Variants in AFF1 observed in about 807,000 individuals in gnomAD.
AFF1 encodes AF4/FMR2 family member 1.
A neutral mutation model predicts 121.7 loss-of-function variants in AFF1; 48 were observed. The observed-to-expected ratio is 0.39, with a 90% CI of 0.31 to 0.50. AFF1 has a LOEUF of 0.50. Ranked by LOEUF, AFF1 falls within the 20% of genes least tolerant of loss-of-function variation. The pLI is 0.76. For missense variants in AFF1, 1,523 were observed against 1,511.7 expected (o/e 1.01, Z -0.12); for synonymous variants, 613 against 563.0 (o/e 1.09, Z -1.26).
chr4:86,998,477 A>G (rs111703823), intron 2 of AFF1, among the ~76,000 whole-genome samples: 5 of 152,376 alleles, frequency 3.3e-5, no homozygotes, highest in African/African-American at 1.2e-4. Context: ...CAATTTTTAA[A>G]TACCCAGAAG....
chr4:86,991,804 G>A (rs1277584612), intron 2 of AFF1, among the ~76,000 whole-genome samples: 1 of 149,218 alleles, frequency 6.7e-6, no homozygotes, highest in African/African-American at 2.5e-5. Context: ...TAATCCAACA[G>A]GACTGGGTTT....
At chr4:86,962,893 G>A (rs549248469) in intron 2 of AFF1, among the ~76,000 whole-genome samples, 5 of 152,134 alleles carry the variant, frequency 3.3e-5, no homozygotes, top group South Asian at 2.1e-4. Flanking sequence ...GGCCAAGCAC[G>A]GTGGCTTATG....
At chr4:87,031,152 A>G (rs1729039388) in intron 2 of AFF1, among the ~76,000 whole-genome samples, 1 of 152,116 alleles carries the variant, frequency 6.6e-6, no homozygotes, top group Admixed American at 6.6e-5. Context: ...TATCGTCCCC[A>G]CAGAGTATCA....
intron 3 of AFF1, 86 bp from the exon 4 acceptor site, chr4:87,046,609 T>G (rs1730717124): frequency 7.2e-7 from 1 of 1,386,478 alleles, no homozygotes; most frequent in Admixed American, 2.3e-5. Context: ...TCGGAGTTTT[T>G]TCCTTAATAG....
intron 4 of AFF1, among the ~76,000 whole-genome samples, chr4:87,070,137 G>A (rs1420949819): frequency 1.3e-5 from 2 of 152,190 alleles, no homozygotes; most frequent in Non-Finnish European, 2.9e-5. Context: ...CTGAGTAGCT[G>A]GGATTACAGG....
chr4:87,127,794 C>G, intron 16 of AFF1, 91 bp downstream of exon 16: 5 of 1,315,142 alleles, frequency 3.8e-6, no homozygotes, highest in Non-Finnish European at 5.4e-6. Context: ...TTCCATATCA[C>G]TCAGCGTATG....
rs1171723897 is a variant in AFF1 at position 87,134,618 on chromosome 4, T to C, written c.3459T>C (p.Tyr1153=). 2 of 1,614,040 alleles carry C rather than the reference T, an allele frequency of 1.2e-6. No individual in the cohort carries two copies. The highest frequency in any genetic ancestry group is 2.7e-5 in the African/African-American group (2 of 74,916). The change falls in exon 20 of 21, where the codon TAT becomes TAC. Residue 1153 remains tyrosine (Y), a synonymous_variant. Transcript: ENST00000395146. ...CCATCCAGAATATGACATCTTCCTA[T>C]GTCACCATCACATCCCATGTTCTTA... ...PVTIQNMTSS[Y]VTITSHVLTA...
At chr4:87,132,523 T>C in intron 19 of AFF1, 115 bp downstream of exon 19, 1 of 1,067,152 alleles carries the variant, frequency 9.4e-7, no homozygotes, top group Non-Finnish European at 1.3e-6. Flanking sequence ...TCAAAAATTG[T>C]TGGCTTCATC....
intron 4 of AFF1, among the ~76,000 whole-genome samples, chr4:87,075,804 A>G (rs529167265): frequency 6.6e-6 from 1 of 152,340 alleles, no homozygotes; most frequent in South Asian, 2.1e-4. Context: ...AGTTTTACCA[A>G]TATGAGCTGA....
chr4:87,006,330 G>T (rs1253642451), intron 2 of AFF1, among the ~76,000 whole-genome samples: 1 of 152,174 alleles, frequency 6.6e-6, no homozygotes, highest in African/African-American at 2.4e-5. Context: ...TTGAGGCACG[G>T]CTTAAACGCT....
chr4:87,082,764 A>G (rs761193358), intron 4 of AFF1, among the ~76,000 whole-genome samples: 9 of 152,176 alleles, frequency 5.9e-5, no homozygotes, highest in Non-Finnish European at 1.0e-4. Context: ...CAATTACAGG[A>G]CGGTGTGAAT....
At chr4:87,021,685 G>C (rs532585268) in intron 2 of AFF1, among the ~76,000 whole-genome samples, 1 of 152,300 alleles carries the variant, frequency 6.6e-6, no homozygotes, top group Admixed American at 6.5e-5. Flanking sequence ...ATGTCTTCCT[G>C]AATCTCAGTA....
At chr4:86,952,913 T>C (rs1721468297) in intron 2 of AFF1, among the ~76,000 whole-genome samples, 1 of 151,906 alleles carries the variant, frequency 6.6e-6, no homozygotes, top group Non-Finnish European at 1.5e-5. Context: ...CACCATATTG[T>C]CCAGGCTGGT....
intron 4 of AFF1, among the ~76,000 whole-genome samples, chr4:87,060,817 G>T (rs1288489843): frequency 1.7e-5 from 2 of 115,524 alleles, no homozygotes; most frequent in Non-Finnish European, 3.5e-5. Context: ...CCAGCCTGGC[G>T]AGAGTGAGAC....
intron 2 of AFF1, among the ~76,000 whole-genome samples, chr4:87,042,416 C>T (rs1730251967): frequency 6.6e-6 from 1 of 152,208 alleles, no homozygotes; most frequent in South Asian, 2.1e-4. Flanking sequence ...TGTGAACTTC[C>T]TGCCTCTTCG....
At chr4:87,090,685 T>A (rs1023820529) in intron 6 of AFF1, among the ~76,000 whole-genome samples, 9 of 152,020 alleles carry the variant, frequency 5.9e-5, no homozygotes, top group South Asian at 2.1e-4. Flanking sequence ...ATTGAGAGAG[T>A]GAGAGAGCTA....
intron 2 of AFF1, among the ~76,000 whole-genome samples, chr4:86,984,998 G>T (rs1383662461): frequency 6.6e-6 from 1 of 151,176 alleles, no homozygotes; most frequent in Non-Finnish European, 1.5e-5. Context: ...TATTATTATT[G>T]TACTTGTTAA....
chr4:87,052,441 C>G (rs1034947203), intron 4 of AFF1, among the ~76,000 whole-genome samples: 2 of 151,922 alleles, frequency 1.3e-5, no homozygotes, highest in Non-Finnish European at 2.9e-5. Flanking sequence ...ACACCACCAC[C>G]CAAAATAAAC....
At chr4:87,015,830 G>A (rs1032895119) in intron 2 of AFF1, among the ~76,000 whole-genome samples, 5 of 152,154 alleles carry the variant, frequency 3.3e-5, no homozygotes, top group African/African-American at 9.7e-5. Context: ...GAGGTCACTC[G>A]TATTCTGTGT....
Sources: allele counts gnomAD v4.1 joint callset (sites outside exome capture counted in the v4.1 genomes callset), GRCh38; gene constraint gnomAD v4.1.1; transcripts MANE v1.5; gene names NCBI Gene and HGNC (gene_info 2026-07-23, HGNC 2026-07-21).